Variants in NUBPL observed in about 807,000 individuals in gnomAD.
NUBPL encodes the protein NUBP iron-sulfur cluster assembly factor, mitochondrial, also known as iron-sulfur cluster transfer protein NUBPL.
In NUBPL, 31 loss-of-function variants were observed where a neutral mutation model predicts 45.7. The observed-to-expected ratio is 0.68, with a 90% CI of 0.51 to 0.92. The LOEUF (loss-of-function observed/expected upper bound fraction) is 0.92. NUBPL is among the 40% of genes least tolerant of loss of function. The pLI, the probability that NUBPL is intolerant of heterozygous loss-of-function variation, is 0.00. For synonymous variants in NUBPL, 144 were observed against 140.9 expected, an observed-to-expected ratio of 1.02 and a Z score of -0.15; for missense variants, 401 against 398.7, an observed-to-expected ratio of 1.01 and a Z score of -0.05.
intron 7 of NUBPL, among the ~76,000 whole-genome samples, chr14:31,793,190 C>T (rs2039414398): frequency 6.7e-6 from 1 of 149,588 alleles, no homozygotes; most frequent in African/African-American, 2.5e-5. Context: ...CAGTAAACAC[C>T]TTCATATAAT....
chr14:31,752,611 A>T (rs575394045), intron 6 of NUBPL, among the ~76,000 whole-genome samples: 1 of 152,310 alleles, frequency 6.6e-6, no homozygotes, highest in African/African-American at 2.4e-5. Context: ...AGTCTCTAAG[A>T]TATTCCAAAG....
intron 4 of NUBPL, among the ~76,000 whole-genome samples, chr14:31,646,264 G>C (rs538293129): frequency 6.6e-6 from 1 of 151,900 alleles, no homozygotes; most frequent in South Asian, 2.1e-4. Context: ...TTGGCTAACT[G>C]CAACCTCCAC....
chr14:31,853,746 C>T (rs1401608745), intron 10 of NUBPL, among the ~76,000 whole-genome samples: 1 of 152,110 alleles, frequency 6.6e-6, no homozygotes, highest in South Asian at 2.1e-4. Context: ...CACATGTACA[C>T]CACTTAGGAA....
intron 4 of NUBPL, among the ~76,000 whole-genome samples, chr14:31,646,359 G>A (rs1027933853): frequency 1.3e-5 from 2 of 151,898 alleles, no homozygotes; most frequent in Non-Finnish European, 2.9e-5. Context: ...GCTAATTTTT[G>A]TATTTTTAGC....
At chr14:31,697,890 T>C (rs1371177730) in intron 6 of NUBPL, among the ~76,000 whole-genome samples, 5 of 152,150 alleles carry the variant, frequency 3.3e-5, no homozygotes, top group Admixed American at 2.6e-4. Context: ...GGACTTACCC[T>C]ATCTCTTTTG....
At chr14:31,748,472 A>G (rs1379910724) in intron 6 of NUBPL, among the ~76,000 whole-genome samples, 1 of 151,964 alleles carries the variant, frequency 6.6e-6, no homozygotes, top group Non-Finnish European at 1.5e-5. Context: ...GTACATTTGG[A>G]TGCTTTGTTG....
At chr14:31,841,986 A>G (rs989544340) in intron 8 of NUBPL, among the ~76,000 whole-genome samples, 1 of 121,882 alleles carries the variant, frequency 8.2e-6, no homozygotes, top group African/African-American at 3.3e-5. Context: ...GCTGGAGTAC[A>G]GTGGCACAAT....
intron 7 of NUBPL, among the ~76,000 whole-genome samples, chr14:31,816,637 G>T (rs1034441422): frequency 1.3e-5 from 2 of 152,042 alleles, no homozygotes; most frequent in Non-Finnish European, 2.9e-5. Context: ...GTCGATTTTA[G>T]ATCTTTCCTG....
At chr14:31,594,009 C>T (rs1190499951) in intron 3 of NUBPL, among the ~76,000 whole-genome samples, 3 of 152,094 alleles carry the variant, frequency 2.0e-5, no homozygotes, top group African/African-American at 7.2e-5. Context: ...GACTTGGGAT[C>T]CTAGGCCCAG....
intron 2 of NUBPL, among the ~76,000 whole-genome samples, chr14:31,564,544 T>G (rs1353893293): frequency 1.3e-5 from 2 of 148,376 alleles, no homozygotes; most frequent in African/African-American, 5.0e-5. Context: ...CTGGGTGTGG[T>G]GGTGCCCACC....
At chr14:31,674,590 C>G (rs2036648323) in intron 6 of NUBPL, among the ~76,000 whole-genome samples, 1 of 152,128 alleles carries the variant, frequency 6.6e-6, no homozygotes. Context: ...TGACCTTGAC[C>G]TTTATTTGTC....
chr14:31,837,065 G>A (rs1595695946), intron 8 of NUBPL, among the ~76,000 whole-genome samples: 3 of 152,172 alleles, frequency 2.0e-5, no homozygotes, highest in South Asian at 4.1e-4. Context: ...AAAAATATTC[G>A]TAATAGGCCA....
At chr14:31,590,153 T>C (rs1242786915) in intron 3 of NUBPL, among the ~76,000 whole-genome samples, 2 of 152,216 alleles carry the variant, frequency 1.3e-5, no homozygotes, top group Non-Finnish European at 2.9e-5. Context: ...ATCCTTTTTT[T>C]TGAGTCAGAG....
chr14:31,714,138 A>C (rs897248165), intron 6 of NUBPL, among the ~76,000 whole-genome samples: 7 of 152,234 alleles, frequency 4.6e-5, no homozygotes, highest in African/African-American at 1.4e-4. Flanking sequence ...CACAAGGAAC[A>C]GTCTGTGGAG....
rs138417013 is a variant in NUBPL at position 31,722,301 on chromosome 14, C to T, written c.513+48727C>T. Among the ~76,000 whole-genome samples, 7 of 152,274 alleles carry T rather than the reference C, an allele frequency of 4.6e-5. No homozygotes were observed. The South Asian group carries it at 1.5e-3, about 32-fold the overall frequency. On this transcript the variant is annotated intron_variant, in intron 6 of 10. Coordinates refer to ENST00000281081, the MANE Select transcript of NUBPL (RefSeq NM_025152.3). ...CTGGGATTACAGGCATAAGCCACCA[C>T]GCCCGGCCATGTACCACATTTTATT...
chr14:31,706,468 T>A (rs960611622), intron 6 of NUBPL, among the ~76,000 whole-genome samples: 1 of 152,140 alleles, frequency 6.6e-6, no homozygotes, highest in African/African-American at 2.4e-5. Context: ...ATGGCTGCCA[T>A]GGGACCTAGA....
intron 6 of NUBPL, among the ~76,000 whole-genome samples, chr14:31,769,930 T>A (rs905391019): frequency 6.6e-6 from 1 of 152,170 alleles, no homozygotes; most frequent in Non-Finnish European, 1.5e-5. Context: ...AGAATTTAGG[T>A]ATGCCAGTCT....
intron 10 of NUBPL, among the ~76,000 whole-genome samples, chr14:31,854,270 A>T (rs2040584177): frequency 6.6e-6 from 1 of 152,194 alleles, no homozygotes; most frequent in South Asian, 2.1e-4. Context: ...TAGATGACCT[A>T]ACAAAAAGAT....
chr14:31,606,935 G>C (rs985813626), intron 4 of NUBPL, among the ~76,000 whole-genome samples: 2 of 152,168 alleles, frequency 1.3e-5, no homozygotes, highest in African/African-American at 4.8e-5. Flanking sequence ...TTTGTGAGGA[G>C]GATGAGCACC....
Sources: gnomAD v4.1 joint callset for allele counts (sites outside exome capture counted in the v4.1 genomes callset) on GRCh38, gnomAD v4.1.1 for gene constraint, MANE v1.5 for transcripts, NCBI Gene and HGNC (gene_info 2026-07-23, HGNC 2026-07-21) for gene names.